The following MAN2A1 variants were observed in gnomAD, a reference collection of about 807,000 sequenced individuals.
MAN2A1 encodes alpha-mannosidase 2.
In MAN2A1, 76 loss-of-function variants were observed where a neutral mutation model predicts 142.6. The ratio of observed to expected loss-of-function variants is 0.53; its 90% CI spans 0.44 to 0.65. The LOEUF (loss-of-function observed/expected upper bound fraction) is 0.65. MAN2A1 is among the 30% of genes least tolerant of loss of function. The pLI, the probability that MAN2A1 is intolerant of heterozygous loss-of-function variation, is 0.00. For missense variants in MAN2A1, 1,311 were observed against 1,365.1 expected, an observed-to-expected ratio of 0.96 and a Z score of 0.62; for synonymous variants, 559 against 473.2, an observed-to-expected ratio of 1.18 and a Z score of -2.35.
chr5:109,836,095 CAA>C (rs1755047945), intron 16 of MAN2A1, among the ~76,000 whole-genome samples: 2 of 150,320 alleles, frequency 1.3e-5, no homozygotes, highest in Admixed American at 6.6e-5. Context: ...TTAATAATAA[CAA>C]TAATAATAAT....
intron 17 of MAN2A1, among the ~76,000 whole-genome samples, 161 bp from the exon 18 acceptor site, chr5:109,845,704 T>C (rs1461594796): frequency 2.0e-5 from 3 of 152,228 alleles, no homozygotes; most frequent in Non-Finnish European, 4.4e-5. Flanking sequence ...TTTTTCTTCA[T>C]ATTGTTTTAA....
At chr5:109,738,987 C>G (rs538473110) in intron 4 of MAN2A1, among the ~76,000 whole-genome samples, 1 of 151,944 alleles carries the variant, frequency 6.6e-6, no homozygotes, top group East Asian at 1.9e-4. Context: ...GGACTACAGG[C>G]GCACACCACC....
intron 16 of MAN2A1, among the ~76,000 whole-genome samples, chr5:109,826,230 C>A (rs1467537696): frequency 6.6e-6 from 1 of 151,746 alleles, no homozygotes; most frequent in African/African-American, 2.4e-5. Context: ...CATGTGTTTC[C>A]TTTCTAGATT....
At chr5:109,850,502 C>T (rs1755456785) in intron 19 of MAN2A1, among the ~76,000 whole-genome samples, 1 of 152,180 alleles carries the variant, frequency 6.6e-6, no homozygotes, top group Non-Finnish European at 1.5e-5. Flanking sequence ...CTTTAGATGT[C>T]AAGAGCCATA....
intron 4 of MAN2A1, among the ~76,000 whole-genome samples, chr5:109,732,858 T>C (rs1274073781): frequency 1.3e-5 from 2 of 152,062 alleles, no homozygotes; most frequent in African/African-American, 2.4e-5. Context: ...TCTTTTTTGG[T>C]TCCATATGAA....
intron 1 of MAN2A1, among the ~76,000 whole-genome samples, chr5:109,693,959 A>G (rs1242656966): frequency 6.6e-6 from 1 of 152,248 alleles, no homozygotes; most frequent in Non-Finnish European, 1.5e-5. Flanking sequence ...GAATTTGAGC[A>G]GATGGAAAGG....
chr5:109,745,909 A>C (rs1479574357), intron 4 of MAN2A1, among the ~76,000 whole-genome samples: 1 of 152,160 alleles, frequency 6.6e-6, no homozygotes, highest in Non-Finnish European at 1.5e-5. Flanking sequence ...GAGCCACTGC[A>C]CTTGGTCCCA....
In MAN2A1 at chr5:109,716,230, A is replaced by C; in HGVS notation, c.501A>C (p.Gln167His). 6.2e-7 allele frequency: 1 copy of C among 1,609,098 alleles called. No individual in the cohort carries two copies. The highest frequency in any genetic ancestry group is 8.5e-7 in the Non-Finnish European group (1 of 1,177,340). ...ATGAATGGGACACTGAACCCCTTCA[A>C]GTCTTTGTGGTGCCTCATTCCCATA... ...ESNEWDTEPL[Q>H]VFVVPHSHND... Residue 167 changes from glutamine (Q) to histidine (H), a missense_variant, in exon 3 of 22, where the codon CAA becomes CAC. This residue lies in a region of MAN2A1 where 409 missense variants were observed against 412.7 expected (regional missense o/e 0.99). Transcript: ENST00000261483.
At chr5:109,733,322 A>C (rs1183032048) in intron 4 of MAN2A1, among the ~76,000 whole-genome samples, 3 of 152,138 alleles carry the variant, frequency 2.0e-5, no homozygotes, top group Non-Finnish European at 2.9e-5. Flanking sequence ...GGACAATGTG[A>C]CTTCCTCTTT....
intron 4 of MAN2A1, among the ~76,000 whole-genome samples, chr5:109,737,138 G>T (rs1434837730): frequency 8.0e-6 from 1 of 124,714 alleles, no homozygotes; most frequent in African/African-American, 3.2e-5. Flanking sequence ...CTGTCACCCA[G>T]GCTGAAGTGC....
chr5:109,839,344 G>A (rs1257428557), intron 16 of MAN2A1, among the ~76,000 whole-genome samples: 1 of 152,186 alleles, frequency 6.6e-6, no homozygotes, highest in African/African-American at 2.4e-5. Context: ...GGTCAGAGAA[G>A]ATACTGTTAT....
At chr5:109,781,639 T>C (rs1753460719) in intron 9 of MAN2A1, 41 bp downstream of exon 9, 1 of 1,330,546 alleles carries the variant, frequency 7.5e-7, no homozygotes, top group Admixed American at 2.4e-5. Flanking sequence ...TTTTTCACTT[T>C]ATATTATCAT....
intron 3 of MAN2A1, among the ~76,000 whole-genome samples, chr5:109,720,520 T>C (rs550589386): frequency 6.6e-6 from 1 of 152,296 alleles, no homozygotes; most frequent in South Asian, 2.1e-4. Flanking sequence ...TTCAAATATT[T>C]TCAAGTATAG....
At chr5:109,808,104 T>C (rs1310255759) in intron 12 of MAN2A1, among the ~76,000 whole-genome samples, 1 of 152,218 alleles carries the variant, frequency 6.6e-6, no homozygotes, top group Admixed American at 6.5e-5. Flanking sequence ...ATAATTGCAT[T>C]TTAGAGATGC....
chr5:109,701,177 AC>A (rs1750971252), intron 1 of MAN2A1, among the ~76,000 whole-genome samples: 1 of 152,326 alleles, frequency 6.6e-6, no homozygotes, highest in African/African-American at 2.4e-5. Context: ...TGATATAAAG[AC>A]AAAGGCCTTA....
chr5:109,790,672 T>C (rs986463381), intron 12 of MAN2A1, among the ~76,000 whole-genome samples: 4 of 152,092 alleles, frequency 2.6e-5, no homozygotes, highest in African/African-American at 9.7e-5. Context: ...TCCTTAAATA[T>C]TGTGTTCCTA....
chr5:109,756,662 A>G lies in MAN2A1; in HGVS notation c.835+1206A>G, dbSNP rs375698285. On this transcript the variant is annotated intron_variant, in intron 5 of 21. Coordinates refer to ENST00000261483, the MANE Select transcript of MAN2A1 (RefSeq NM_002372.4). ...TGTAGTGGTGCTGGTATTTCTTATT[A>G]TCAGAACCATTTGGAAGCATGTTGC... is the stretch of plus-strand genomic sequence containing the variant. 2.4e-4 allele frequency among the ~76,000 whole-genome samples: 37 copies of G among 152,140 alleles called. 1 individual carries two copies. In the East Asian group the frequency reaches 4.2e-3, roughly 17 times the overall value.
chr5:109,698,133 TTCTGAGCCCAG>T (rs1750866570), intron 1 of MAN2A1, among the ~76,000 whole-genome samples: 1 of 152,212 alleles, frequency 6.6e-6, no homozygotes, highest in Non-Finnish European at 1.5e-5. Flanking sequence ...ATGGGCTTAA[TTCTGAGCCCAG>T]TCTGATTGCT....
intron 5 of MAN2A1, among the ~76,000 whole-genome samples, chr5:109,761,432 G>A (rs933808331): frequency 5.3e-5 from 8 of 151,820 alleles, no homozygotes; most frequent in Admixed American, 2.6e-4. Context: ...CAGTGAATAC[G>A]TAATATTACT....
Sources: gnomAD v4.1 joint callset for allele counts (sites outside exome capture counted in the v4.1 genomes callset) on GRCh38, gnomAD v4.1.1 for gene constraint, gnomAD v4.1.1 regional missense constraint, MANE v1.5 for transcripts, NCBI Gene and HGNC (gene_info 2026-07-23, HGNC 2026-07-21) for gene names.